PLXND1: variants seen among roughly 807,000 people sequenced by gnomAD.
PLXND1 encodes the protein plexin D1, also known as plexin-D1.
In PLXND1, 54 loss-of-function variants were observed where a neutral mutation model predicts 197.7. The observed-to-expected ratio is 0.27, with a 90% CI of 0.22 to 0.34. The LOEUF (loss-of-function observed/expected upper bound fraction) is 0.34, where lower values mean the gene tolerates loss of function less well. Among genes scored for constraint, PLXND1 ranks in the 10% least tolerant of loss-of-function variants. The pLI, the probability that PLXND1 is intolerant of heterozygous loss-of-function variation, is 1.00. For synonymous variants in PLXND1, 1,180 were observed against 1,161.2 expected (o/e 1.02, Z -0.33); for missense variants, 2,127 against 2,699.2 (o/e 0.79, Z 4.70).
chr3:129,579,997 C>T (rs367882935), intron 8 of PLXND1, among the ~76,000 whole-genome samples: 2 of 152,286 alleles, frequency 1.3e-5, no homozygotes, highest in South Asian at 2.1e-4. Flanking sequence ...CTGCTGGGAC[C>T]GTTCTGAGCA....
At chr3:129,564,347 C>T (rs1578311336) in intron 25 of PLXND1, among the ~76,000 whole-genome samples, 1 of 152,256 alleles carries the variant, frequency 6.6e-6, no homozygotes, top group Admixed American at 6.5e-5. Flanking sequence ...AGATTGGACT[C>T]AAGCCCAGGA....
At chr3:129,559,883 G>A in intron 31 of PLXND1, 100 bp from the exon 32 acceptor site, 1 of 1,038,718 alleles carries the variant, frequency 9.6e-7, no homozygotes, top group Non-Finnish European at 1.4e-6. Flanking sequence ...CCAGGCTGCT[G>A]AATGAGGAAG....
At chr3:129,598,600 G>A (rs1306015694) in intron 1 of PLXND1, among the ~76,000 whole-genome samples, 1 of 152,130 alleles carries the variant, frequency 6.6e-6, no homozygotes, top group Non-Finnish European at 1.5e-5. Context: ...CTGGGGCTGG[G>A]CAGCTCTGCA....
At chr3:129,568,099 AAAAG>A (rs894004829) in intron 20 of PLXND1, among the ~76,000 whole-genome samples, 1 of 152,196 alleles carries the variant, frequency 6.6e-6, no homozygotes, top group African/African-American at 2.4e-5. Context: ...GTTAAAAAAA[AAAAG>A]AAACAGGAAT....
chr3:129,573,883 G>A (rs755454847), intron 12 of PLXND1, 138 bp from the exon 13 acceptor site: 1 of 956,138 alleles, frequency 1.0e-6, no homozygotes, highest in Non-Finnish European at 1.5e-6. Flanking sequence ...GCTCAGGTGG[G>A]GCTGGGACTG....
At position 129,586,258 on chromosome 3, in the gene PLXND1, C is replaced by A. The variant is rs750797031; in HGVS notation, c.1635G>T (p.Lys545Asn). 5.1e-6 allele frequency: 8 copies of A among 1,580,704 alleles called. No homozygotes were observed. The highest frequency in any genetic ancestry group is 2.0e-4 in the Middle Eastern group (1 of 4,992). Residue 545 changes from lysine (K) to asparagine (N), a missense_variant, in exon 4 of 36, where the codon AAG becomes AAT. Lys to Asn is a moderately conservative substitution (Grantham distance 94). This residue lies in a region of PLXND1 where 1,095 missense variants were observed against 1,259.8 expected (regional missense o/e 0.87). Coordinates refer to ENST00000324093, the MANE Select transcript of PLXND1 (RefSeq NM_015103.3). Reference sequence around the variant, plus strand: ...TGGAGTGCACGTTGCAGGCGGCGACCTTCACCCTGGCCATCTGGGGGCAGA... The same window carrying A: ...TGGAGTGCACGTTGCAGGCGGCGACATTCACCCTGGCCATCTGGGGGCAGA... ...LMTSHQMARV[K>N]VAACNVHSTC...
rs1444112998 is a variant in PLXND1, at chr3:129,589,444, C to T, written c.1395G>A (p.Val465=). 9.3e-6 allele frequency: 15 copies of T among 1,611,600 alleles called. No homozygotes were observed. Among genetic ancestry groups the T allele is most frequent in the African/African-American group, 1.3e-5 (1 of 74,826 alleles). ...SILQPLKATP[V]FRAPGLTSVA... is the part of the protein sequence containing the mutation. ...CGGAGGTGAGGCCCGGGGCGCGGAA[C>T]ACGGGCGTGGCCTTCAGGGGCTGCA... The change falls in exon 2 of 36, where the codon GTG becomes GTA. Residue 465 remains valine, a synonymous_variant. Coordinates refer to ENST00000324093, the MANE Select transcript of PLXND1 (RefSeq NM_015103.3).
chr3:129,562,893 C>T lies in PLXND1; in HGVS notation c.4719G>A (p.Arg1573=), dbSNP rs2085082335. ...QGCGMDSLSV[R]AMDTDTLTQV... is the part of the protein sequence containing the mutation. ...GTGTCAGCGTGTCGGTGTCCATGGC[C>T]CGCACGCTCAGCGAGTCCATGCCAC... is the stretch of plus-strand genomic sequence containing the variant. The change falls in exon 27 of 36, where the codon CGG becomes CGA. Residue 1573 remains arginine, a synonymous_variant. Transcript: ENST00000324093. The T allele has an allele frequency of 2.5e-6, 4 of 1,610,474 alleles. No homozygotes were observed. Among genetic ancestry groups the T allele is most frequent in the Non-Finnish European group, 3.4e-6 (4 of 1,176,960 alleles).
chr3:129,565,629 C>A, intron 24 of PLXND1, 91 bp from the exon 25 acceptor site: 2 of 1,188,406 alleles, frequency 1.7e-6, no homozygotes, highest in East Asian at 5.0e-5. Flanking sequence ...CCGGGCCCAT[C>A]GATCCCAGGA....
intron 24 of PLXND1, 49 bp from the exon 25 acceptor site, chr3:129,565,587 G>A (rs1280593076): frequency 6.7e-7 from 1 of 1,503,694 alleles, no homozygotes; most frequent in Non-Finnish European, 9.2e-7. Context: ...CCTAGGAGCT[G>A]TGGGTCCCAG....
intron 9 of PLXND1, among the ~76,000 whole-genome samples, chr3:129,576,565 G>A (rs886658481): frequency 5.3e-5 from 8 of 152,260 alleles, no homozygotes; most frequent in East Asian, 1.9e-4. Context: ...CTCGCCAACC[G>A]GGGACGGTCA....
chr3:129,599,698 A>T (rs2085679078), intron 1 of PLXND1, among the ~76,000 whole-genome samples: 1 of 152,180 alleles, frequency 6.6e-6, no homozygotes, highest in South Asian at 2.1e-4. Flanking sequence ...ATCCCCCAGC[A>T]TGTGGCCTGG....
At chr3:129,592,828 C>G (rs370418240) in intron 1 of PLXND1, among the ~76,000 whole-genome samples, 3 of 152,174 alleles carry the variant, frequency 2.0e-5, no homozygotes, top group East Asian at 3.9e-4. Flanking sequence ...CAAGGCAAAC[C>G]GGCTCAAACA....
intron 8 of PLXND1, among the ~76,000 whole-genome samples, chr3:129,583,161 C>G (rs971387149): frequency 1.3e-5 from 2 of 152,192 alleles, no homozygotes; most frequent in African/African-American, 4.8e-5. Context: ...CCTCCACAGG[C>G]CTTGAGGACA....
chr3:129,562,691 C>G (rs2085079052), intron 27 of PLXND1, 96 bp downstream of exon 27: 1 of 1,166,394 alleles, frequency 8.6e-7, no homozygotes, highest in African/African-American at 1.5e-5. Flanking sequence ...CACATTCATG[C>G]ACCCATGCCA....
intron 9 of PLXND1, among the ~76,000 whole-genome samples, chr3:129,576,788 G>A (rs1038227745): frequency 2.0e-5 from 3 of 152,190 alleles, no homozygotes; most frequent in African/African-American, 2.4e-5. Context: ...CACACGGTAG[G>A]GGCCTAATAT....
intron 1 of PLXND1, among the ~76,000 whole-genome samples, chr3:129,595,921 G>GCACACACACACACACACACACACA (rs57098603): frequency 2.0e-5 from 3 of 146,514 alleles, no homozygotes; most frequent in African/African-American, 7.6e-5. Context: ...GTGCACGCAC[G>GCACACACACACACACACACACACA]CACACACACA....
intron 24 of PLXND1, 115 bp downstream of exon 24, chr3:129,565,772 G>T: frequency 8.6e-7 from 1 of 1,167,294 alleles, no homozygotes; most frequent in Non-Finnish European, 1.2e-6. Flanking sequence ...GGCCCAGGAA[G>T]GGCTGGAATA....
chr3:129,583,728 C>T, intron 7 of PLXND1, 59 bp from the exon 8 acceptor site: 1 of 1,156,406 alleles, frequency 8.6e-7, no homozygotes, highest in Non-Finnish European at 1.3e-6. Flanking sequence ...CATCCCTGTC[C>T]CAGGAACTAG....
Sources: gnomAD v4.1 joint callset for allele counts (sites outside exome capture counted in the v4.1 genomes callset) on GRCh38, gnomAD v4.1.1 for gene constraint, gnomAD v4.1.1 regional missense constraint, MANE v1.5 for transcripts, NCBI Gene and HGNC (gene_info 2026-07-23, HGNC 2026-07-21) for gene names.